The following LARGE1 variants were observed in gnomAD, a reference collection of about 807,000 sequenced individuals.
LARGE1 encodes LARGE xylosyl- and glucuronyltransferase 1, also known as xylosyl- and glucuronyltransferase LARGE1.
In LARGE1, 43 loss-of-function variants were observed where a neutral mutation model predicts 87.6. The observed-to-expected ratio is 0.49, with a 90% confidence interval of 0.38 to 0.63. The LOEUF (loss-of-function observed/expected upper bound fraction) is 0.63. LARGE1 is among the 30% of genes least tolerant of loss of function. The probability of loss-of-function intolerance (pLI) is 0.00; values close to 1 mark genes in which losing one functional copy is unlikely to be tolerated. For missense variants in LARGE1, 802 were observed against 1,000.2 expected, an observed-to-expected ratio of 0.80 and a Z score of 2.67; for synonymous variants, 434 against 394.6, an observed-to-expected ratio of 1.10 and a Z score of -1.18.
chr22:33,407,339 G>C lies in LARGE1; in HGVS notation c.893-23035C>G, dbSNP rs5994736. Among the ~76,000 whole-genome samples the C allele has an allele frequency of 1.3e-3, 193 of 152,302 alleles. 3 individuals are homozygous for C. Among genetic ancestry groups the C allele is most frequent in the African/African-American group, 4.5e-3 (188 of 41,558 alleles). On this transcript the variant is annotated intron_variant, in intron 7 of 14. Coordinates refer to ENST00000397394, the MANE Select transcript of LARGE1 (RefSeq NM_133642.5). The stretch of plus-strand genomic sequence containing the variant: ...TGTGCCCAGCAGGACAGCTCTAACT[G>C]CTGGGGAATAAAGGATTGAACAAGA...
intron 2 of LARGE1, among the ~76,000 whole-genome samples, chr22:33,747,165 T>G (rs927879919): frequency 1.3e-5 from 2 of 152,156 alleles, no homozygotes; most frequent in African/African-American, 4.8e-5. Context: ...GAACTTTGAT[T>G]AGCAGCTAAA....
intron 11 of LARGE1, among the ~76,000 whole-genome samples, chr22:33,202,678 A>G (rs73885003): frequency 0.03 from 4,595 of 152,148 alleles, 96 homozygotes; most frequent in Admixed American, 0.057. Context: ...TTTCTCATTC[A>G]CCTTGACTTC....
Position 33,667,811 on chromosome 22 carries a change from T to C in LARGE1, c.107-17143A>G, listed in dbSNP as rs993069231. Among the ~76,000 whole-genome samples, 3 of 152,234 alleles carry C rather than the reference T, an allele frequency of 2.0e-5. 1 individual carries two copies. The highest frequency in any genetic ancestry group is 7.2e-5 in the African/African-American group (3 of 41,468). On this transcript the variant is annotated intron_variant, in intron 2 of 14. Transcript: ENST00000397394. ...GCATTTATTGGACAATTTTTGGTTA[T>C]GGGGCAAAGGCCTTTTCTATAAGGA...
At chr22:33,664,959 C>T (rs768948708) in intron 2 of LARGE1, among the ~76,000 whole-genome samples, 7 of 152,152 alleles carry the variant, frequency 4.6e-5, no homozygotes, top group Non-Finnish European at 1.0e-4. Context: ...TCCCATCAAC[C>T]ACAGTTATCT....
At chr22:33,257,022 A>G (rs1927323247) in intron 11 of LARGE1, among the ~76,000 whole-genome samples, 1 of 152,114 alleles carries the variant, frequency 6.6e-6, no homozygotes, top group Non-Finnish European at 1.5e-5. Context: ...CCTAACCAAC[A>G]TGGAGAAAAC....
intron 2 of LARGE1, among the ~76,000 whole-genome samples, chr22:33,700,013 CA>C (rs1347665892): frequency 1.3e-5 from 2 of 152,168 alleles, no homozygotes; most frequent in Non-Finnish European, 2.9e-5. Flanking sequence ...CACTGACTTA[CA>C]TTGCAGGTTC....
chr22:33,129,479 T>C, the LARGE1 span, among the ~76,000 whole-genome samples: 1 of 152,198 alleles, frequency 6.6e-6, no homozygotes, highest in Non-Finnish European at 1.5e-5. Context: ...TTGATCACTG[T>C]ATTAGAGTAA....
At chr22:33,633,959 C>T (rs537510361) in intron 3 of LARGE1, among the ~76,000 whole-genome samples, 3 of 152,140 alleles carry the variant, frequency 2.0e-5, no homozygotes, top group African/African-American at 7.2e-5. Flanking sequence ...GCTAAGTGGC[C>T]GCGTGATCTT....
At chr22:33,499,891 A>C (rs1016770164) in intron 6 of LARGE1, among the ~76,000 whole-genome samples, 2 of 152,086 alleles carry the variant, frequency 1.3e-5, no homozygotes, top group Non-Finnish European at 2.9e-5. Context: ...CTCCTGCCTC[A>C]ATCTCCTGAG....
chr22:33,708,249 G>A (rs928369854), intron 2 of LARGE1, among the ~76,000 whole-genome samples: 8 of 152,016 alleles, frequency 5.3e-5, no homozygotes, highest in African/African-American at 1.7e-4. Flanking sequence ...TGCTATTGGA[G>A]GGAGGGAGGG....
chr22:33,756,159 G>C (rs920910321), intron 2 of LARGE1, among the ~76,000 whole-genome samples: 1 of 152,134 alleles, frequency 6.6e-6, no homozygotes, highest in South Asian at 2.1e-4. Flanking sequence ...CCAGAGTCAT[G>C]GTAAGGAGTC....
At chr22:33,448,257 A>G (rs1346988388) in intron 6 of LARGE1, among the ~76,000 whole-genome samples, 1 of 152,124 alleles carries the variant, frequency 6.6e-6, no homozygotes, top group East Asian at 1.9e-4. Flanking sequence ...AAGTATGTGA[A>G]TTTCACCTCC....
intron 2 of LARGE1, chr22:33,733,409 GACA>G (rs1406703958): frequency 6.6e-6 from 1 of 152,202 alleles, no homozygotes; most frequent in East Asian, 1.9e-4. Context: ...AGCTCAAAAT[GACA>G]ACATTAATTT....
At chr22:33,791,850 T>TC (rs780129381) in intron 1 of LARGE1, among the ~76,000 whole-genome samples, 1 of 152,202 alleles carries the variant, frequency 6.6e-6, no homozygotes, top group Non-Finnish European at 1.5e-5. Context: ...GGAAAAATAC[T>TC]CTAAGTCTTG....
intron 11 of LARGE1, among the ~76,000 whole-genome samples, chr22:33,200,262 T>C (rs556065785): frequency 9.8e-5 from 15 of 152,304 alleles, no homozygotes; most frequent in Non-Finnish European, 1.3e-4. Flanking sequence ...AAGTAAATTA[T>C]ATAGAACATA....
chr22:33,202,053 T>C (rs1185063344), intron 11 of LARGE1, among the ~76,000 whole-genome samples: 2 of 151,890 alleles, frequency 1.3e-5, no homozygotes, highest in African/African-American at 4.8e-5. Flanking sequence ...GGAGGATCAC[T>C]TGAACCAGGG....
chr22:33,808,186 T>C (rs1367677830), intron 1 of LARGE1, among the ~76,000 whole-genome samples: 2 of 152,248 alleles, frequency 1.3e-5, no homozygotes, highest in East Asian at 1.9e-4. Context: ...TGTTCCAGGT[T>C]TTGGCCATTC....
the LARGE1 span, among the ~76,000 whole-genome samples, chr22:33,071,020 T>TA: frequency 6.6e-6 from 1 of 151,460 alleles, no homozygotes; most frequent in African/African-American, 2.4e-5. Flanking sequence ...AAATAAAAAA[T>TA]TAAAAAAAAT....
At chr22:33,503,499 C>T (rs1404413854) in intron 6 of LARGE1, among the ~76,000 whole-genome samples, 1 of 151,996 alleles carries the variant, frequency 6.6e-6, no homozygotes, top group African/African-American at 2.4e-5. Context: ...AACACACATC[C>T]ATGCAAAAAC....
Sources: allele counts gnomAD v4.1 joint callset (sites outside exome capture counted in the v4.1 genomes callset), GRCh38; gene constraint gnomAD v4.1.1; transcripts MANE v1.5; gene names NCBI Gene and HGNC (gene_info 2026-07-23, HGNC 2026-07-21).